The following ATG9B variants were observed in gnomAD, a reference collection of about 807,000 sequenced individuals.
ATG9B encodes autophagy-related protein 9B.
ATG9B carries 92 observed loss-of-function variants against 92.9 expected under a neutral mutation model. That is an observed-to-expected ratio of 0.99 (90% CI 0.84 to 1.18). The LOEUF (loss-of-function observed/expected upper bound fraction) is 1.18, where lower values mean the gene tolerates loss of function less well. Among genes scored for constraint, ATG9B ranks in the 50% most tolerant of loss-of-function variants. ATG9B has a pLI of 0.00. For synonymous variants in ATG9B, 599 were observed against 551.4 expected (o/e 1.09, Z -1.21); for missense variants, 1,344 against 1,235.0 (o/e 1.09, Z -1.32).
rs904414827 is a variant in ATG9B, at chr7:151,015,875, T to C, written c.*14+7A>G. 1 of 1,549,626 alleles carries C rather than the reference T, an allele frequency of 6.5e-7. No homozygotes were observed. The highest frequency in any genetic ancestry group is 8.7e-7 in the Non-Finnish European group (1 of 1,146,086). On this transcript the variant is annotated splice_region_variant and intron_variant, in intron 13 of 13. Coordinates refer to ENST00000639579, the MANE Select transcript of ATG9B (RefSeq NM_001317056.2). ...TTCTCCCTCCCCTCACAGGAGGCAA[T>C]ACTGACCCTGAGGAGTCGTCTCAGT...
chr7:151,018,076 C>A lies in ATG9B; in HGVS notation c.1873-26G>T. 1 of 1,552,834 alleles carries A rather than the reference C, an allele frequency of 6.4e-7. No homozygotes were observed. The highest frequency in any genetic ancestry group is 8.7e-7 in the Non-Finnish European group (1 of 1,148,356). ...CTGGGGAAGCAGCGGTGAGGCTGAG[C>A]AGGGGTCGCTGAGGGGCCCACGCGC... On this transcript the variant is annotated intron_variant, in intron 7 of 13. Transcript: ENST00000639579. The surrounding 1 kb of genome is among the most constrained non-coding windows in gnomAD (Gnocchi z 4.7).
In ATG9B at chr7:151,017,083, G is replaced by A. The variant is rs528994502; in HGVS notation, c.2242C>T (p.Arg748Cys). The A allele has an allele frequency of 7.2e-5, 116 of 1,609,406 alleles. No homozygotes were observed. The South Asian group carries it at 1.1e-3, about 15-fold the overall frequency. Residue 748 changes from arginine to cysteine, a missense_variant, in exon 9 of 14, where the codon CGC (arginine) becomes TGC (cysteine). Physicochemically the swap from Arg to Cys is radical, Grantham distance 180 (BLOSUM62 -3). Coordinates refer to ENST00000639579, the MANE Select transcript of ATG9B (RefSeq NM_001317056.2). Reference sequence around the variant, plus strand: ...AGCACCCCCGGGGTGGAGGGGCCGCGAGCCGAGGTGGCACCCCAGGCAGCT... The same window carrying A: ...AGCACCCCCGGGGTGGAGGGGCCGCAAGCCGAGGTGGCACCCCAGGCAGCT... ...DAAAWGATSA[R>C]GPSTPGVLSN...
chr7:151,013,563 C>T, downstream of ATG9B: 1 of 934,730 alleles, frequency 1.1e-6, no homozygotes, highest in Non-Finnish European at 1.6e-6. Context: ...CCCGCCCCTG[C>T]CCCGCCCCTT....
At chr7:151,019,835 A>G (rs1370919784) in intron 5 of ATG9B, 1 of 157,216 alleles carries the variant, frequency 6.4e-6, no homozygotes, top group Non-Finnish European at 1.4e-5. Context: ...CAGCCTGGGC[A>G]ACATGGTGAG....
intron 3 of ATG9B, 97 bp downstream of exon 3, chr7:151,023,348 T>C (rs1317353756): frequency 3.1e-6 from 5 of 1,596,992 alleles, no homozygotes; most frequent in Admixed American, 3.4e-5. Flanking sequence ...CGGGAAAGCA[T>C]GGGATGGAAG....
Position 151,018,406 on chromosome 7 carries a change from T to C in ATG9B, c.1760A>G (p.Gln587Arg). 1 of 1,561,086 alleles carries C rather than the reference T, an allele frequency of 6.4e-7. No homozygotes were observed. Among genetic ancestry groups the C allele is most frequent in the Non-Finnish European group, 8.7e-7 (1 of 1,154,144 alleles). Reference protein sequence around the residue: ...PEEQCQGRAPQLLLQTALAHM... With the variant: ...PEEQCQGRAPRLLLQTALAHM... Reference sequence around the variant, plus strand: ...GGCCAGGGCTGTCTGCAGCAGGAGCTGCGGCGCACGACCCTGGCACTGCTC... The same window carrying C: ...GGCCAGGGCTGTCTGCAGCAGGAGCCGCGGCGCACGACCCTGGCACTGCTC... Residue 587 changes from glutamine to arginine, a missense_variant, in exon 7 of 14, where the codon CAG (glutamine) becomes CGG (arginine). Physicochemically the swap from Gln to Arg is conservative, Grantham distance 43 (BLOSUM62 1). Coordinates refer to ENST00000639579, the MANE Select transcript of ATG9B (RefSeq NM_001317056.2). This position sits in a 1 kb window ranked among gnomAD's most constrained non-coding sequence, Gnocchi z 4.7.
At chr7:151,012,252 G>T, downstream of ATG9B, 271 of 510,166 alleles carry the variant, frequency 5.3e-4, no homozygotes, top group Middle Eastern at 7.9e-4. Flanking sequence ...TTTTTGAGAT[G>T]GGAAGAACTT....
chr7:151,024,455 G>C lies in ATG9B; in HGVS notation c.-32C>G, dbSNP rs1367448100. Reference sequence around the variant, plus strand: ...ACGGCTTCTCCAGAAAGGTTGGAAGGATGGGAGCTGTTGTTGCTTCCACAA... The same window carrying C: ...ACGGCTTCTCCAGAAAGGTTGGAAGCATGGGAGCTGTTGTTGCTTCCACAA... On this transcript the variant is annotated 5_prime_UTR_variant, in exon 1 of 14. The change creates a new upstream start codon in the 5' untranslated region. Coordinates refer to ENST00000639579, the MANE Select transcript of ATG9B (RefSeq NM_001317056.2). 1.1e-5 allele frequency: 15 copies of C among 1,310,430 alleles called. No individual in the cohort carries two copies. The highest frequency in any genetic ancestry group is 1.5e-5 in the Non-Finnish European group (15 of 1,023,184). 81.2% of individuals were successfully genotyped at this position (1,310,430 alleles called of 1,614,324 possible). A position where few individuals can be genotyped will look rare whatever the true frequency, so the allele number is the denominator to read the frequency against.
At position 151,017,977 on chromosome 7, in the gene ATG9B, G is replaced by A. The variant is rs780590552; in HGVS notation, c.1946C>T (p.Ala649Val). ...ATGAAAAAAGTCGATAATCTCCAGG[G>A]CACGAGGGCGGAACCAGAAAAGCAG... ...LFLLFWFRPR[A>V]LEIIDFFHHF... The change falls in exon 8 of 14, where the codon GCC becomes GTC. Residue 649 changes from alanine to valine, a missense_variant. Ala to Val is a moderately conservative substitution (Grantham distance 64). Transcript: ENST00000639579. The A allele has an allele frequency of 1.2e-6, 2 of 1,606,290 alleles. No individual in the cohort carries two copies. The highest frequency in any genetic ancestry group is 2.2e-5 in the East Asian group (1 of 44,692).
downstream of ATG9B, chr7:151,014,341 C>T (rs1795392972): frequency 2.8e-6 from 2 of 707,176 alleles, no homozygotes; most frequent in Non-Finnish European, 4.5e-6. Context: ...GCCTCTTTTC[C>T]CTCTCTAGGC....
chr7:151,019,096 C>T lies in ATG9B; in HGVS notation c.1242G>A (p.Gly414=). ...LFRGPFSLFR[G]GWELPHAYKR... ...TGTAGGCGTGCGGCAGCTCCCAGCC[C>T]CCGCGGAAGAGCGAGAAGGGACCGC... Residue 414 remains glycine, a synonymous_variant, in exon 6 of 14, where the codon GGG becomes GGA. Coordinates refer to ENST00000639579, the MANE Select transcript of ATG9B (RefSeq NM_001317056.2). The T allele has an allele frequency of 6.5e-7, 1 of 1,535,860 alleles. No individual in the cohort carries two copies. The highest frequency in any genetic ancestry group is 8.7e-7 in the Non-Finnish European group (1 of 1,146,524).
chr7:151,017,586 G>A (rs548031521), intron 8 of ATG9B, among the ~76,000 whole-genome samples: 1 of 152,288 alleles, frequency 6.6e-6, no homozygotes, highest in South Asian at 2.1e-4. Context: ...CCCCCAGGTG[G>A]TCTTTGCTCC....
chr7:151,019,398 C>T (rs1245072211), intron 5 of ATG9B, 24 bp from the exon 6 acceptor site: 1 of 1,499,590 alleles, frequency 6.7e-7, no homozygotes, highest in Admixed American at 2.2e-5. Flanking sequence ...TGATGAGAGC[C>T]AGCGACCCCC....
Position 151,018,535 on chromosome 7 carries a change from G to C in ATG9B, c.1718+85C>G. On this transcript the variant is annotated intron_variant, in intron 6 of 13. Transcript: ENST00000639579. The surrounding 1 kb of genome is among the most constrained non-coding windows in gnomAD (Gnocchi z 4.7). ...GGGCTAGAGGGCCCCAGTGGTGGGA[G>C]AGGTAAGGATTCGGGGGGAACCTCA... 1.3e-5 allele frequency: 20 copies of C among 1,524,776 alleles called. No individual in the cohort carries two copies. The South Asian group carries it at 2.2e-4, about 17-fold the overall frequency. The allele number at this position is 1,524,776 out of a possible 1,614,324, so 94.5% of individuals were successfully genotyped here. A position where few individuals can be genotyped will look rare whatever the true frequency, so the allele number is the denominator to read the frequency against.
chr7:151,018,531 G>A lies in ATG9B; in HGVS notation c.1719-84C>T. The A allele has an allele frequency of 1.3e-6, 2 of 1,523,270 alleles. No homozygotes were observed. Among genetic ancestry groups the A allele is most frequent in the South Asian group, 2.5e-5 (2 of 80,156 alleles). 94.4% of individuals were successfully genotyped at this position (1,523,270 alleles called of 1,614,324 possible). A position where few individuals can be genotyped will look rare whatever the true frequency, so the allele number is the denominator to read the frequency against. ...TGTAGGGCTAGAGGGCCCCAGTGGT[G>A]GGAGAGGTAAGGATTCGGGGGGAAC... On this transcript the variant is annotated intron_variant, in intron 6 of 13. Coordinates refer to ENST00000639579, the MANE Select transcript of ATG9B (RefSeq NM_001317056.2). The surrounding 1 kb of genome is among the most constrained non-coding windows in gnomAD (Gnocchi z 4.7).
Position 151,024,437 on chromosome 7 carries a change from C to T in ATG9B, c.-14G>A, listed in dbSNP as rs1425242367. On this transcript the variant is annotated 5_prime_UTR_variant, in exon 1 of 14. Coordinates refer to ENST00000639579, the MANE Select transcript of ATG9B (RefSeq NM_001317056.2). ...TCGGCTCACCATCAGGCCACGGCTT[C>T]TCCAGAAAGGTTGGAAGGATGGGAG... The T allele has an allele frequency of 1.5e-6, 2 of 1,331,334 alleles. No homozygotes were observed. Among genetic ancestry groups the T allele is most frequent in the South Asian group, 5.2e-5 (2 of 38,100 alleles). 82.5% of individuals were successfully genotyped at this position (1,331,334 alleles called of 1,614,324 possible).
chr7:151,016,074 C>G, intron 12 of ATG9B, 35 bp downstream of exon 12: 2 of 1,546,380 alleles, frequency 1.3e-6, no homozygotes, highest in Non-Finnish European at 8.7e-7. Context: ...CAGTGTCCAC[C>G]AGGCTCTGTC....
Position 151,024,483 on chromosome 7 carries a change from G to T in ATG9B, c.-60C>A. ...GGGAGCTGTTGTTGCTTCCACAAAG[G>T]TCTGTGACACTGAGCTGGGACTTCA... On this transcript the variant is annotated 5_prime_UTR_variant, in exon 1 of 14. Transcript: ENST00000639579. 6 of 1,221,152 alleles carry T rather than the reference G, an allele frequency of 4.9e-6. No individual in the cohort carries two copies. The highest frequency in any genetic ancestry group is 6.3e-6 in the Non-Finnish European group (6 of 956,160). The allele number at this position is 1,221,152 out of a possible 1,614,324, so 75.6% of individuals were successfully genotyped here.
chr7:151,013,045 TA>T, downstream of ATG9B: 1 of 637,636 alleles, frequency 1.6e-6, no homozygotes, highest in Non-Finnish European at 2.6e-6. Context: ...CTTCCCTCTG[TA>T]AATCAGGGCT....
Sources: allele counts gnomAD v4.1 joint callset (sites outside exome capture counted in the v4.1 genomes callset), GRCh38; gene constraint gnomAD v4.1.1; non-coding constraint Gnocchi (gnomAD v3.1); transcripts MANE v1.5; gene names NCBI Gene and HGNC (gene_info 2026-07-23, HGNC 2026-07-21).